The following HS1BP3 variants were observed in gnomAD, a reference collection of about 807,000 sequenced individuals.
HS1BP3 encodes the protein HCLS1-binding protein 3.
Under a neutral mutation model 33.5 loss-of-function variants are expected in HS1BP3, and 32 were observed. That is an observed-to-expected ratio of 0.95 (90% confidence interval 0.72 to 1.28). The LOEUF (loss-of-function observed/expected upper bound fraction) is 1.28, where lower values mean the gene tolerates loss of function less well. HS1BP3 is among the 50% of genes most tolerant of loss of function. The probability of loss-of-function intolerance (pLI) is 0.00; values close to 1 mark genes in which losing one functional copy is unlikely to be tolerated. For missense variants in HS1BP3, 486 were observed against 502.3 expected, an observed-to-expected ratio of 0.97 and a Z score of 0.31; for synonymous variants, 187 against 209.2, an observed-to-expected ratio of 0.89 and a Z score of 0.92.
chr2:20,648,364 A>C (rs1695581233), intron 1 of HS1BP3, among the ~76,000 whole-genome samples: 1 of 152,116 alleles, frequency 6.6e-6, no homozygotes, highest in Non-Finnish European at 1.5e-5. Context: ...ATCATGCAAC[A>C]AACTGCCCAC....
chr2:20,572,088 T>A (rs935205719), intron 5 of HS1BP3, among the ~76,000 whole-genome samples: 1 of 152,250 alleles, frequency 6.6e-6, no homozygotes, highest in African/African-American at 2.4e-5. Flanking sequence ...TTTTACCCCC[T>A]GCACTCTTTC....
At chr2:20,582,375 C>T (rs1693554463) in intron 5 of HS1BP3, among the ~76,000 whole-genome samples, 1 of 150,034 alleles carries the variant, frequency 6.7e-6, no homozygotes, top group African/African-American at 2.5e-5. Flanking sequence ...CGGAGGTGTG[C>T]AGGGAGTGGC....
At chr2:20,614,426 C>T (rs2149287362), downstream of HS1BP3, among the ~76,000 whole-genome samples, 1 of 152,310 alleles carries the variant, frequency 6.6e-6, no homozygotes, top group East Asian at 1.9e-4. Flanking sequence ...GAAGGACAGG[C>T]AGAGAGGGCC....
At chr2:20,577,678 G>T (rs917739513) in intron 5 of HS1BP3, among the ~76,000 whole-genome samples, 2 of 152,190 alleles carry the variant, frequency 1.3e-5, no homozygotes, top group Non-Finnish European at 2.9e-5. Flanking sequence ...GTCCAGAGAT[G>T]GAGGCAAGCA....
intron 2 of HS1BP3, among the ~76,000 whole-genome samples, chr2:20,641,466 C>CT (rs1458417261): frequency 2.0e-5 from 3 of 152,196 alleles, no homozygotes; most frequent in Admixed American, 2.0e-4. Flanking sequence ...ACAGGGACCC[C>CT]TGCCCAGCCT....
chr2:20,592,641 G>C (rs1400287913), exon 4 of HS1BP3: 2 of 152,932 alleles, frequency 1.3e-5, no homozygotes, highest in African/African-American at 2.4e-5. Flanking sequence ...GAAGTCTGAA[G>C]TTGAGGTGTC....
intron 5 of HS1BP3, among the ~76,000 whole-genome samples, chr2:20,573,155 T>C (rs1166702488): frequency 3.3e-5 from 5 of 152,192 alleles, no homozygotes; most frequent in African/African-American, 4.8e-5. Context: ...AACACAGTCT[T>C]TGCTGATATA....
intron 3 of HS1BP3, among the ~76,000 whole-genome samples, chr2:20,596,535 G>A (rs1164592540): frequency 6.6e-6 from 1 of 152,192 alleles, no homozygotes; most frequent in Non-Finnish European, 1.5e-5. Flanking sequence ...GCCCTCACCA[G>A]GCACCAAATC....
At chr2:20,628,843 G>A (rs150710421) in intron 4 of HS1BP3, among the ~76,000 whole-genome samples, 101 of 152,218 alleles carry the variant, frequency 6.6e-4, no homozygotes, top group African/African-American at 2.3e-3. Context: ...GGTCTGCAGC[G>A]GGCGTGACTA....
intron 1 of HS1BP3, among the ~76,000 whole-genome samples, chr2:20,650,028 C>T (rs1053605619): frequency 3.9e-5 from 6 of 152,198 alleles, no homozygotes; most frequent in Admixed American, 3.9e-4. Context: ...GAGGAGGTGA[C>T]GTAAGTGGCA....
intron 6 of HS1BP3, chr2:20,623,012 G>A (rs1298499015): frequency 6.5e-6 from 1 of 152,798 alleles, no homozygotes; most frequent in Non-Finnish European, 1.5e-5. Flanking sequence ...TTCCTGGAAA[G>A]AGGCGGCCTG....
At chr2:20,608,660 C>A (rs1694252678) in intron 2 of HS1BP3, among the ~76,000 whole-genome samples, 2 of 151,918 alleles carry the variant, frequency 1.3e-5, no homozygotes, top group East Asian at 1.9e-4. Context: ...CTGTCTTTCA[C>A]CAAGTGTTTT....
chr2:20,573,992 C>T (rs923372321), intron 5 of HS1BP3, among the ~76,000 whole-genome samples: 1 of 152,198 alleles, frequency 6.6e-6, no homozygotes, highest in Non-Finnish European at 1.5e-5. Context: ...TTCTTGGACA[C>T]TCAACATGGT....
Position 20,598,004 on chromosome 2 carries a change from G to A in HS1BP3, c.*12+204C>T, listed in dbSNP as rs1693982431. Among the ~76,000 whole-genome samples, 6 of 152,276 alleles carry A rather than the reference G, an allele frequency of 3.9e-5. No homozygotes were observed. The South Asian group carries it at 1.2e-3, about 32-fold the overall frequency. ...CAATCCTGGCTGGGTAGGTCAGGCA[G>A]CTAAAAGTTGGGGGTCAGGTCCCCT... On this transcript the variant is annotated intron_variant, in intron 3 of 3. Coordinates refer to the HS1BP3 transcript ENST00000415264.
chr2:20,638,143 G>A, intron 4 of HS1BP3: 2 of 562,758 alleles, frequency 3.6e-6, no homozygotes, highest in Admixed American at 3.4e-5. Context: ...CTGCACTACT[G>A]AGCTGTCACG....
rs555239372 is a variant in HS1BP3, at chr2:20,619,021, T to C, written c.1145A>G (p.Asp382Gly). ...MDILQYIQDH[D>G]TPAQAAPSLF Reference sequence around the variant, plus strand: ...GCTGGGGGCGGCCTGGGCTGGTGTATCGTGGTCCTGGATGTACTGCAAGAT... The same window carrying C: ...GCTGGGGGCGGCCTGGGCTGGTGTACCGTGGTCCTGGATGTACTGCAAGAT... The change falls in exon 7 of 7, where the codon GAT (aspartate) becomes GGT (glycine). Residue 382 changes from aspartate to glycine, a missense_variant. By Grantham distance (94) the Asp-to-Gly change is moderately conservative. Coordinates refer to ENST00000304031, the MANE Select transcript of HS1BP3 (RefSeq NM_022460.4). The C allele has an allele frequency of 1.9e-6, 3 of 1,614,106 alleles. No individual in the cohort carries two copies. The South Asian group carries it at 3.3e-5, about 18-fold the overall frequency.
intron 6 of HS1BP3, among the ~76,000 whole-genome samples, chr2:20,620,870 A>T (rs770070597): frequency 7.2e-5 from 11 of 152,008 alleles, no homozygotes; most frequent in Admixed American, 2.0e-4. Flanking sequence ...AATGAGGGAC[A>T]CCCCCCAGCC....
chr2:20,614,923 C>A (rs1694391726), downstream of HS1BP3, among the ~76,000 whole-genome samples: 1 of 152,234 alleles, frequency 6.6e-6, no homozygotes, highest in Non-Finnish European at 1.5e-5. Flanking sequence ...AGTGAGAGGC[C>A]AGCCACAGAG....
Position 20,618,688 on chromosome 2 carries a change from C to T in HS1BP3, c.*299G>A. The T allele has an allele frequency of 1.6e-6, 2 of 1,236,178 alleles. No homozygotes were observed. The highest frequency in any genetic ancestry group is 1.0e-6 in the Non-Finnish European group (1 of 985,090). The allele number at this position is 1,236,178 out of a possible 1,614,324, so 76.6% of individuals were successfully genotyped here. ...CACATGTCTTGCTTCATCCTTGGGG[C>T]TGGGCTTCTGGTTGGCAAGGCATCC... is the stretch of plus-strand genomic sequence containing the variant. On this transcript the variant is annotated 3_prime_UTR_variant, in exon 7 of 7. Transcript: ENST00000304031.
Sources: gnomAD v4.1 joint callset for allele counts (sites outside exome capture counted in the v4.1 genomes callset) on GRCh38, gnomAD v4.1.1 for gene constraint, MANE v1.5 for transcripts, NCBI Gene and HGNC (gene_info 2026-07-23, HGNC 2026-07-21) for gene names.